ANO6: variants seen among roughly 807,000 people sequenced by gnomAD.
ANO6 encodes anoctamin-6.
Under a neutral mutation model 117.5 loss-of-function variants are expected in ANO6, and 106 were observed. The observed-to-expected ratio is 0.90, with a 90% CI of 0.77 to 1.06. The LOEUF is 1.06. Among genes scored for constraint, ANO6 ranks in the 50% least tolerant of loss-of-function variants. The pLI is 0.00. For synonymous variants in ANO6, 367 were observed against 385.1 expected (o/e 0.95, Z 0.55); for missense variants, 955 against 1,121.1 (o/e 0.85, Z 2.12).
At chr12:45,307,181 A>G (rs983531228) in intron 2 of ANO6, among the ~76,000 whole-genome samples, 57 of 152,244 alleles carry the variant, frequency 3.7e-4, no homozygotes, top group African/African-American at 1.3e-3. Context: ...GCAGAGGAGC[A>G]ACCTGAACTG....
In ANO6 at chr12:45,432,102, T is replaced by C. The variant is rs1592060948; in HGVS notation, c.*2791T>C. ...CAATGGGGGTCAGAATGTACTCTTG[T>C]TGAAACACTTCTTGTACCATTTTAT... On this transcript the variant is annotated 3_prime_UTR_variant, in exon 20 of 20. Coordinates refer to ENST00000320560, the MANE Select transcript of ANO6 (RefSeq NM_001025356.3). 7 of 985,450 alleles carry C rather than the reference T, an allele frequency of 7.1e-6. No homozygotes were observed. Among genetic ancestry groups the C allele is most frequent in the Non-Finnish European group, 8.4e-6 (7 of 829,936 alleles). 61.0% of individuals were successfully genotyped at this position (985,450 alleles called of 1,614,324 possible).
intron 6 of ANO6, among the ~76,000 whole-genome samples, chr12:45,348,858 A>G (rs1332430082): frequency 6.6e-6 from 1 of 152,106 alleles, no homozygotes; most frequent in African/African-American, 2.4e-5. Context: ...AATGGACAGG[A>G]CCTCTCTCAC....
chr12:45,219,126 T>C (rs1947358715), intron 1 of ANO6, among the ~76,000 whole-genome samples: 1 of 152,050 alleles, frequency 6.6e-6, no homozygotes, highest in African/African-American at 2.4e-5. Flanking sequence ...TTGACACGAG[T>C]TCCTGGGTAT....
chr12:45,263,263 G>A (rs1938104296), intron 1 of ANO6, among the ~76,000 whole-genome samples: 1 of 149,504 alleles, frequency 6.7e-6, no homozygotes, highest in African/African-American at 2.4e-5. Flanking sequence ...CCAGGCTGGA[G>A]TACAGTGGTG....
At chr12:45,309,007 G>T (rs1939765757) in intron 2 of ANO6, among the ~76,000 whole-genome samples, 1 of 152,122 alleles carries the variant, frequency 6.6e-6, no homozygotes, top group Non-Finnish European at 1.5e-5. Context: ...GGCCCCTGGG[G>T]TCTTGTGAAA....
chr12:45,399,580 T>A (rs1225697737), intron 12 of ANO6, among the ~76,000 whole-genome samples: 1 of 152,120 alleles, frequency 6.6e-6, no homozygotes, highest in Non-Finnish European at 1.5e-5. Context: ...CACTTCTCAG[T>A]GGCTGTTACT....
intron 1 of ANO6, among the ~76,000 whole-genome samples, chr12:45,299,868 AAAAG>A (rs1051185553): frequency 3.3e-5 from 5 of 152,148 alleles, no homozygotes; most frequent in South Asian, 2.1e-4. Context: ...AAGAAAAAGA[AAAAG>A]AAAAAAAATT....
chr12:45,355,698 C>T (rs11182995), intron 7 of ANO6, among the ~76,000 whole-genome samples: 8,332 of 152,200 alleles, frequency 0.055, 469 homozygotes, highest in East Asian at 0.32. Flanking sequence ...TCCCATCTCC[C>T]GATTCCACCC....
At chr12:45,333,530 A>C (rs1461950422) in intron 3 of ANO6, among the ~76,000 whole-genome samples, 1 of 152,068 alleles carries the variant, frequency 6.6e-6, no homozygotes, top group African/African-American at 2.4e-5. Context: ...GCTTACATTA[A>C]TCAGTTCTGC....
chr12:45,339,163 A>G (rs1940908935), intron 3 of ANO6, among the ~76,000 whole-genome samples: 2 of 152,128 alleles, frequency 1.3e-5, no homozygotes, highest in African/African-American at 4.8e-5. Context: ...GCATATATGC[A>G]CAGAAAAAGG....
chr12:45,299,241 G>A (rs1939399802), intron 1 of ANO6, among the ~76,000 whole-genome samples: 1 of 152,182 alleles, frequency 6.6e-6, no homozygotes. Flanking sequence ...TTGGACAACT[G>A]TTGTACTGGA....
At chr12:45,386,500 C>T (rs1423888766) in intron 10 of ANO6, among the ~76,000 whole-genome samples, 1 of 127,718 alleles carries the variant, frequency 7.8e-6, no homozygotes, top group Non-Finnish European at 1.6e-5. Flanking sequence ...GTCATACCTG[C>T]ATCCATCTGT....
At position 45,347,119 on chromosome 12, in the gene ANO6, G is replaced by A. The variant is rs766608230; in HGVS notation, c.345+32G>A. On this transcript the variant is annotated intron_variant, in intron 4 of 19. Coordinates refer to ENST00000320560, the MANE Select transcript of ANO6 (RefSeq NM_001025356.3). ...ACTGGTCCCTTTTCAGCCCTCGGCT[G>A]ACCACTGTTCTCGGGCAGCTTCGTG... The A allele has an allele frequency of 1.9e-6, 3 of 1,610,706 alleles. No individual in the cohort carries two copies. In the South Asian group the frequency reaches 3.3e-5, roughly 18 times the overall value.
chr12:45,269,123 GCTT>G (rs1475954826), intron 1 of ANO6, among the ~76,000 whole-genome samples: 1 of 152,216 alleles, frequency 6.6e-6, no homozygotes, highest in Non-Finnish European at 1.5e-5. Context: ...TCTGGGGCCA[GCTT>G]CTTAGCCACA....
At chr12:45,396,658 C>T (rs940335154) in intron 12 of ANO6, among the ~76,000 whole-genome samples, 34 of 152,236 alleles carry the variant, frequency 2.2e-4, no homozygotes, top group South Asian at 6.2e-4. Flanking sequence ...TGGAACAGAA[C>T]GGAGGCCTCA....
At chr12:45,433,409 G>A (rs544395074), downstream of ANO6, among the ~76,000 whole-genome samples, 2 of 152,290 alleles carry the variant, frequency 1.3e-5, no homozygotes, top group South Asian at 2.1e-4. Context: ...ACAAATACTC[G>A]AGTGCATTAC....
chr12:45,393,748 C>T (rs1429851457), intron 12 of ANO6, among the ~76,000 whole-genome samples: 2 of 152,112 alleles, frequency 1.3e-5, no homozygotes, highest in Admixed American at 1.3e-4. Flanking sequence ...CCAAACTAAG[C>T]TTCATAAGTG....
At chr12:45,234,339 T>G (rs930004649) in intron 1 of ANO6, among the ~76,000 whole-genome samples, 1 of 151,890 alleles carries the variant, frequency 6.6e-6, no homozygotes, top group South Asian at 2.1e-4. Flanking sequence ...TTGCAGACTC[T>G]CCCTATGTAT....
intron 1 of ANO6, among the ~76,000 whole-genome samples, chr12:45,277,972 G>C (rs1051024446): frequency 6.6e-6 from 1 of 151,960 alleles, no homozygotes; most frequent in African/African-American, 2.4e-5. Flanking sequence ...GTATTTTTTA[G>C]AGATAGGGTC....
Sources: gnomAD v4.1 joint callset for allele counts (sites outside exome capture counted in the v4.1 genomes callset) on GRCh38, gnomAD v4.1.1 for gene constraint, MANE v1.5 for transcripts, NCBI Gene and HGNC (gene_info 2026-07-23, HGNC 2026-07-21) for gene names.